The following ARHGAP42 variants were observed in gnomAD, a reference collection of about 807,000 sequenced individuals.
The protein encoded by ARHGAP42 is rho GTPase-activating protein 42.
ARHGAP42 carries 63 observed loss-of-function variants against 125.0 expected under a neutral mutation model. That is an observed-to-expected ratio of 0.50 (90% CI 0.41 to 0.62). ARHGAP42 has a LOEUF of 0.62. Ranked by LOEUF, ARHGAP42 falls within the 20% of genes least tolerant of loss-of-function variation. The pLI, the probability that ARHGAP42 is intolerant of heterozygous loss-of-function variation, is 0.00. For synonymous variants in ARHGAP42, 339 were observed against 351.0 expected (o/e 0.97, Z 0.38); for missense variants, 766 against 1,024.2 (o/e 0.75, Z 3.44).
At chr11:100,844,966 A>G (rs536499840) in intron 3 of ARHGAP42, among the ~76,000 whole-genome samples, 1 of 152,244 alleles carries the variant, frequency 6.6e-6, no homozygotes, top group South Asian at 2.1e-4. Flanking sequence ...TGAAGTCATT[A>G]TATGAAAAAG....
At chr11:100,863,806 ATGTT>A (rs1198734948) in intron 4 of ARHGAP42, among the ~76,000 whole-genome samples, 2 of 152,300 alleles carry the variant, frequency 1.3e-5, no homozygotes, top group South Asian at 2.1e-4. Flanking sequence ...CTTAGACTGA[ATGTT>A]TGGTTTCTCC....
At chr11:100,813,166 G>GACAA (rs1864186957) in intron 3 of ARHGAP42, among the ~76,000 whole-genome samples, 81 of 152,276 alleles carry the variant, frequency 5.3e-4, no homozygotes, top group Admixed American at 4.3e-3. Flanking sequence ...TCATTGGTAG[G>GACAA]ATTTCTCCAC....
Position 100,991,862 on chromosome 11 carries a change from A to G in ARHGAP42, c.*3061A>G, listed in dbSNP as rs499861. Reference sequence around the variant, plus strand: ...CTGCTGACTCTTTTCAGAGATAGTGAAGGAAAAAAAATGTATTAAAACCCC... The same window carrying G: ...CTGCTGACTCTTTTCAGAGATAGTGGAGGAAAAAAAATGTATTAAAACCCC... On this transcript the variant is annotated 3_prime_UTR_variant, in exon 24 of 24. Coordinates refer to ENST00000298815, the MANE Select transcript of ARHGAP42 (RefSeq NM_152432.4). 137,037 of 153,674 alleles carry G rather than the reference A, an allele frequency of 0.89. 61,213 individuals are homozygous for G. The highest frequency in any genetic ancestry group is 1 in the East Asian group (5,189 of 5,200). The allele number at this position is 153,674 out of a possible 1,614,324, so 9.5% of individuals were successfully genotyped here. A position where few individuals can be genotyped will look rare whatever the true frequency, so the allele number is the denominator to read the frequency against.
At chr11:100,747,641 AT>A (rs1380225117) in intron 1 of ARHGAP42, among the ~76,000 whole-genome samples, 3 of 151,936 alleles carry the variant, frequency 2.0e-5, no homozygotes, top group South Asian at 2.1e-4. Context: ...TAAAACAAAA[AT>A]TTTTTTTAAC....
Position 100,901,034 on chromosome 11 carries a change from C to A in ARHGAP42, c.385-12418C>A, listed in dbSNP as rs148726203. On this transcript the variant is annotated intron_variant, in intron 4 of 23. Coordinates refer to ENST00000298815, the MANE Select transcript of ARHGAP42 (RefSeq NM_152432.4). ...TTCCCCATCTCTGTGGTTTTATCTG[C>A]CTTTGGTCTTTGATGTTGGTGACCT... Among the ~76,000 whole-genome samples, 3 of 152,172 alleles carry A rather than the reference C, an allele frequency of 2.0e-5. No individual in the cohort carries two copies. The East Asian group carries it at 5.8e-4, about 29-fold the overall frequency.
intron 1 of ARHGAP42, among the ~76,000 whole-genome samples, chr11:100,737,477 A>G (rs977065811): frequency 4.6e-5 from 7 of 152,178 alleles, no homozygotes; most frequent in African/African-American, 1.7e-4. Context: ...TATGAGGTTC[A>G]TGTATCATAT....
chr11:100,967,338 G>A (rs1335119906), intron 17 of ARHGAP42, among the ~76,000 whole-genome samples: 1 of 152,084 alleles, frequency 6.6e-6, no homozygotes, highest in East Asian at 1.9e-4. Context: ...ATTTAAAAGT[G>A]TTATTAAATT....
chr11:100,890,017 GA>G, intron 4 of ARHGAP42, among the ~76,000 whole-genome samples: 1 of 152,282 alleles, frequency 6.6e-6, no homozygotes, highest in East Asian at 1.9e-4. Context: ...GTGAAGTCAG[GA>G]AAGGAATGGA....
At chr11:100,964,685 G>A (rs542164194) in intron 16 of ARHGAP42, among the ~76,000 whole-genome samples, 215 of 152,314 alleles carry the variant, frequency 1.4e-3, no homozygotes, top group African/African-American at 4.9e-3. Context: ...CAGCAGACAT[G>A]TCAACATCTT....
chr11:100,881,926 A>T (rs941438279), intron 4 of ARHGAP42, among the ~76,000 whole-genome samples: 1 of 152,098 alleles, frequency 6.6e-6, no homozygotes, highest in Non-Finnish European at 1.5e-5. Context: ...CGCTGTTGGT[A>T]TGTAGGAGAG....
At chr11:100,961,794 T>A (rs766266285) in intron 15 of ARHGAP42, 26 bp downstream of exon 15, 1 of 1,531,958 alleles carries the variant, frequency 6.5e-7, no homozygotes, top group Non-Finnish European at 8.9e-7. Flanking sequence ...CTCCTGGTAC[T>A]CTGGATGTAA....
intron 4 of ARHGAP42, among the ~76,000 whole-genome samples, chr11:100,887,307 G>C (rs1056931865): frequency 6.6e-6 from 1 of 152,204 alleles, no homozygotes; most frequent in African/African-American, 2.4e-5. Context: ...TCAGTCCGGG[G>C]TCAGTGGAAA....
At chr11:100,723,478 A>G (rs1434953757) in intron 1 of ARHGAP42, among the ~76,000 whole-genome samples, 1 of 152,068 alleles carries the variant, frequency 6.6e-6, no homozygotes, top group Non-Finnish European at 1.5e-5. Context: ...CCTCATATAG[A>G]TCTTAGATAT....
chr11:100,921,517 A>G lies in ARHGAP42; in HGVS notation c.510A>G (p.Glu170=), dbSNP rs1867267522. ...LQEADTQIDR[E]HQNFYEASLE... ...AGGCAGATACACAAATTGACCGAGA[A>G]CATCAGAACTTCTATGAAGCATCAT... The change falls in exon 6 of 24, where the codon GAA becomes GAG. Residue 170 remains glutamate (E), a synonymous_variant. Transcript: ENST00000298815. 1 of 1,546,706 alleles carries G rather than the reference A, an allele frequency of 6.5e-7. No homozygotes were observed. Among genetic ancestry groups the G allele is most frequent in the Non-Finnish European group, 8.7e-7 (1 of 1,144,728 alleles).
At chr11:100,815,343 T>C (rs1192068527) in intron 3 of ARHGAP42, among the ~76,000 whole-genome samples, 1 of 152,194 alleles carries the variant, frequency 6.6e-6, no homozygotes, top group Non-Finnish European at 1.5e-5. Flanking sequence ...GTCATTTATG[T>C]AGGCTGGATT....
At chr11:100,936,997 G>A (rs1280801406) in intron 8 of ARHGAP42, among the ~76,000 whole-genome samples, 1 of 152,204 alleles carries the variant, frequency 6.6e-6, no homozygotes, top group Non-Finnish European at 1.5e-5. Flanking sequence ...TTCTCGTGCT[G>A]TTTTTGGTGA....
chr11:100,917,383 A>G (rs1341796386), intron 5 of ARHGAP42, among the ~76,000 whole-genome samples: 1 of 152,094 alleles, frequency 6.6e-6, no homozygotes, highest in African/African-American at 2.4e-5. Flanking sequence ...CTGGATGAAC[A>G]TCTCTCAAGG....
At chr11:100,787,123 A>G (rs901330991) in intron 2 of ARHGAP42, among the ~76,000 whole-genome samples, 7 of 39,294 alleles carry the variant, frequency 1.8e-4, no homozygotes, top group Non-Finnish European at 3.0e-4. Context: ...TAAAAATACA[A>G]AAAAATTAGG....
At chr11:100,741,934 G>T (rs191882844) in intron 1 of ARHGAP42, among the ~76,000 whole-genome samples, 6 of 152,252 alleles carry the variant, frequency 3.9e-5, no homozygotes, top group East Asian at 3.9e-4. Flanking sequence ...GCTTTAACCT[G>T]AGACTCCAAA....
Sources: allele counts gnomAD v4.1 joint callset (sites outside exome capture counted in the v4.1 genomes callset), GRCh38; gene constraint gnomAD v4.1.1; transcripts MANE v1.5; gene names NCBI Gene and HGNC (gene_info 2026-07-23, HGNC 2026-07-21).